The following FRG1 variants were observed in gnomAD, a reference collection of about 807,000 sequenced individuals.
The protein encoded by FRG1 is protein FRG1.
In FRG1, 19 loss-of-function variants were observed where a neutral mutation model predicts 37.0. The observed-to-expected ratio is 0.51, with a 90% CI of 0.36 to 0.75. The LOEUF (loss-of-function observed/expected upper bound fraction) is 0.75, where lower values mean the gene tolerates loss of function less well. Ranked by LOEUF, FRG1 falls within the 30% of genes least tolerant of loss-of-function variation. The probability of loss-of-function intolerance (pLI) is 0.00; values close to 1 mark genes in which losing one functional copy is unlikely to be tolerated. For missense variants in FRG1, 243 were observed against 301.4 expected (o/e 0.81, Z 1.44); for synonymous variants, 73 against 96.5 (o/e 0.76, Z 1.43).
chr4:189,941,825 A>G (rs1326493747), intron 1 of FRG1: 1 of 433,948 alleles, frequency 2.3e-6, no homozygotes, highest in Non-Finnish European at 4.6e-6. Context: ...TTCTTTTTTA[A>G]CTGGCAGATT....
chr4:189,946,799 T>C (rs202107713), intron 2 of FRG1, among the ~76,000 whole-genome samples: 1 of 152,196 alleles, frequency 6.6e-6, no homozygotes, highest in Non-Finnish European at 1.5e-5. Flanking sequence ...TGAATTTCCA[T>C]GTAGACTTGA....
At chr4:189,962,978 T>A in intron 8 of FRG1, 115 bp from the exon 9 acceptor site, 1 of 540,618 alleles carries the variant, frequency 1.8e-6, no homozygotes, top group South Asian at 3.2e-5. Flanking sequence ...AATAAAAGTG[T>A]TGTGGTAATA....
chr4:189,958,472 G>A lies in FRG1; in HGVS notation c.537+970G>A, dbSNP rs375701652. 5.9e-5 allele frequency among the ~76,000 whole-genome samples: 9 copies of A among 152,172 alleles called. No individual in the cohort carries two copies. In the South Asian group the frequency reaches 1.0e-3, roughly 17 times the overall value. The stretch of plus-strand genomic sequence containing the variant: ...AAAAATATTTTTATTAATAGTACCC[G>A]TCTTCTTTGCATTAGGAGAAACATG... On this transcript the variant is annotated intron_variant, in intron 6 of 8. Transcript: ENST00000226798.
At chr4:189,954,220 G>A (rs75722396) in intron 4 of FRG1, among the ~76,000 whole-genome samples, 2 of 151,758 alleles carry the variant, frequency 1.3e-5, no homozygotes, top group African/African-American at 4.8e-5. Context: ...AAAAAAATGC[G>A]TGATACAAAA....
At chr4:189,954,980 G>T (rs1381733687) in intron 4 of FRG1, 57 bp from the exon 5 acceptor site, 1 of 1,048,712 alleles carries the variant, frequency 9.5e-7, no homozygotes, top group South Asian at 1.3e-5. Flanking sequence ...CTGTTTTGAT[G>T]TCCTATAATT....
At chr4:189,951,650 C>T (rs13133958) in intron 2 of FRG1, among the ~76,000 whole-genome samples, 43,984 of 151,860 alleles carry the variant, frequency 0.29, 6,490 homozygotes, top group Middle Eastern at 0.43. Context: ...TGTACCTTCA[C>T]ATGTTGCCTC....
At chr4:189,949,975 T>C (rs1235303223) in intron 2 of FRG1, among the ~76,000 whole-genome samples, 1 of 152,222 alleles carries the variant, frequency 6.6e-6, no homozygotes, top group Non-Finnish European at 1.5e-5. Context: ...CCACCAGCAT[T>C]GCACAGGGTT....
chr4:189,951,721 A>G (rs1329398912), intron 2 of FRG1, among the ~76,000 whole-genome samples: 3 of 152,026 alleles, frequency 2.0e-5, no homozygotes, highest in Admixed American at 1.3e-4. Context: ...GCTAGAGTGC[A>G]GTGGCATGAT....
At chr4:189,942,448 T>G (rs1736353387) in intron 1 of FRG1, among the ~76,000 whole-genome samples, 1 of 152,214 alleles carries the variant, frequency 6.6e-6, no homozygotes, top group African/African-American at 2.4e-5. Flanking sequence ...CTATTCTGAA[T>G]ATTTCCTAAG....
In FRG1 at chr4:189,941,117, C is replaced by G. The variant is rs577849366; in HGVS notation, c.62+46C>G. ...GGGAGCCTCCTCCGTTCTTTTCGGACGCACTCCACCCCCGCAACTCCGGTG... is the reference window on the plus strand; with the variant it reads ...GGGAGCCTCCTCCGTTCTTTTCGGAGGCACTCCACCCCCGCAACTCCGGTG... On this transcript the variant is annotated intron_variant, in intron 1 of 8. Coordinates refer to ENST00000226798, the MANE Select transcript of FRG1 (RefSeq NM_004477.3). The G allele has an allele frequency of 3.9e-5, 59 of 1,530,688 alleles. 1 individual carries two copies. In the South Asian group the frequency reaches 4.6e-4, roughly 12 times the overall value. The allele number at this position is 1,530,688 out of a possible 1,614,324, so 94.8% of individuals were successfully genotyped here.
chr4:189,947,320 CCG>C (rs1408466942), intron 2 of FRG1, among the ~76,000 whole-genome samples: 65,421 of 151,746 alleles, frequency 0.43, 16,714 homozygotes, highest in African/African-American at 0.73. Flanking sequence ...TATTTTGAAG[CCG>C]TCATGTGTAC....
At chr4:189,962,509 A>G (rs1477461629) in intron 8 of FRG1, among the ~76,000 whole-genome samples, 1 of 152,158 alleles carries the variant, frequency 6.6e-6, no homozygotes, top group Non-Finnish European at 1.5e-5. Flanking sequence ...CCAGATTTTG[A>G]TAATCACCAG....
chr4:189,941,076 G>A lies in FRG1; in HGVS notation c.62+5G>A. ...CAAGGGAACCAAGACGAAGAGGTGG[G>A]TCCTGCAGCTTGGGCGGGAGCCTCC... On this transcript the variant is annotated splice_donor_5th_base_variant and intron_variant, in intron 1 of 8. Transcript: ENST00000226798. The A allele has an allele frequency of 6.2e-7, 1 of 1,613,156 alleles. No homozygotes were observed. Among genetic ancestry groups the A allele is most frequent in the Non-Finnish European group, 8.5e-7 (1 of 1,179,116 alleles).
At chr4:189,952,008 A>G (rs1311755981) in intron 2 of FRG1, among the ~76,000 whole-genome samples, 154 bp from the exon 3 acceptor site, 1 of 152,270 alleles carries the variant, frequency 6.6e-6, no homozygotes, top group Admixed American at 6.5e-5. Flanking sequence ...GCAAGATTTA[A>G]TCGAGACAAA....
intron 2 of FRG1, among the ~76,000 whole-genome samples, chr4:189,950,453 C>G (rs550681881): frequency 1.3e-5 from 2 of 152,136 alleles, no homozygotes; most frequent in Non-Finnish European, 1.5e-5. Context: ...AAATTCATGT[C>G]GTGAAGCTTT....
At chr4:189,959,932 T>C in intron 6 of FRG1, 1 of 955,510 alleles carries the variant, frequency 1.0e-6, no homozygotes, top group Non-Finnish European at 1.2e-6. Context: ...GGTAGCCTTG[T>C]GTTACCTCTG....
intron 6 of FRG1, 79 bp from the exon 7 acceptor site, chr4:189,960,669 A>T: frequency 8.3e-7 from 1 of 1,203,762 alleles, no homozygotes. Flanking sequence ...ATCATCTCGA[A>T]TGTTCTTATG....
intron 2 of FRG1, among the ~76,000 whole-genome samples, chr4:189,945,624 A>G (rs1478150469): frequency 6.6e-6 from 1 of 152,038 alleles, no homozygotes; most frequent in Non-Finnish European, 1.5e-5. Flanking sequence ...CCTTTGGGAT[A>G]TTGCTAGATT....
intron 2 of FRG1, among the ~76,000 whole-genome samples, chr4:189,943,807 T>G (rs1736416670): frequency 6.6e-6 from 1 of 152,202 alleles, no homozygotes; most frequent in South Asian, 2.1e-4. Context: ...TATTTTTTTC[T>G]CTTTTAAAAC....
Sources: gnomAD v4.1 joint callset for allele counts (sites outside exome capture counted in the v4.1 genomes callset) on GRCh38, gnomAD v4.1.1 for gene constraint, MANE v1.5 for transcripts, NCBI Gene and HGNC (gene_info 2026-07-23, HGNC 2026-07-21) for gene names.